The following SNX19 variants were observed in gnomAD, a reference collection of about 807,000 sequenced individuals.
SNX19 encodes sorting nexin-19.
Under a neutral mutation model 85.2 loss-of-function variants are expected in SNX19, and 60 were observed. The observed-to-expected ratio is 0.70, with a 90% CI of 0.57 to 0.87. The LOEUF is 0.87. SNX19 is among the 40% of genes least tolerant of loss of function. The pLI is 0.00. For synonymous variants in SNX19, 520 were observed against 470.0 expected (o/e 1.11, Z -1.38); for missense variants, 1,201 against 1,217.8 (o/e 0.99, Z 0.21).
In SNX19 at chr11:130,915,824, A is replaced by T; in HGVS notation, c.116T>A (p.Leu39His). Residue 39 changes from leucine (L) to histidine (H), a missense_variant, in exon 1 of 11, where the codon CTC (leucine) becomes CAC (histidine). Coordinates refer to ENST00000265909, the MANE Select transcript of SNX19 (RefSeq NM_014758.3). ...LMAVGVLLGWLLVIHLLVNVW... is the reference protein window; with the variant it reads ...LMAVGVLLGWHLVIHLLVNVW... ...GTTGACCAGAAGGTGTATGACCAGG[A>T]GCCAGCCAAGCAAGACCCCCACAGC... 6.2e-7 allele frequency: 1 copy of T among 1,614,186 alleles called. No individual in the cohort carries two copies. Among genetic ancestry groups the T allele is most frequent in the Middle Eastern group, 1.6e-4 (1 of 6,062 alleles).
chr11:130,886,432 A>G (rs1390898851), intron 8 of SNX19, among the ~76,000 whole-genome samples: 3 of 152,178 alleles, frequency 2.0e-5, no homozygotes, highest in Non-Finnish European at 4.4e-5. Context: ...ACACTCATGC[A>G]GTGTCAAGAA....
chr11:130,871,608 A>G lies in SNX19; in HGVS notation c.*6814T>C, dbSNP rs1369996717. On this transcript the variant is annotated 3_prime_UTR_variant, in exon 11 of 11. Coordinates refer to ENST00000265909, the MANE Select transcript of SNX19 (RefSeq NM_014758.3). ...AAAAGGGCTGATTACCTATGCTCAC[A>G]AGTCACCAAATCCAGTTCAACACAG... 6.6e-6 allele frequency among the ~76,000 whole-genome samples: 1 copy of G among 152,224 alleles called. No homozygotes were observed. The highest frequency in any genetic ancestry group is 1.9e-4 in the East Asian group (1 of 5,196).
At chr11:130,899,732 C>T (rs1178537365) in intron 8 of SNX19, among the ~76,000 whole-genome samples, 1 of 152,062 alleles carries the variant, frequency 6.6e-6, no homozygotes, top group Admixed American at 6.6e-5. Context: ...GAAATATGTA[C>T]AATGAACCAA....
Position 130,914,892 on chromosome 11 carries a change from C to T in SNX19, c.1048G>A (p.Gly350Arg), listed in dbSNP as rs1437289923. 2 of 1,614,200 alleles carry T rather than the reference C, an allele frequency of 1.2e-6. No homozygotes were observed. The highest frequency in any genetic ancestry group is 1.1e-5 in the South Asian group (1 of 91,078). The part of the protein sequence containing the change: ...LGGMCEERKV[G>R]NNSSHFLQPN... ...TGTAGGAAATGAGATGAGTTGTTTC[C>T]TACTTTTCTTTCTTCACACATCCCA... is the stretch of plus-strand genomic sequence containing the variant. Residue 350 changes from glycine to arginine, a missense_variant, in exon 1 of 11, where the codon GGA (glycine) becomes AGA (arginine). This residue lies in a region of SNX19 where 791 missense variants were observed against 750.9 expected (regional missense o/e 1.05). Transcript: ENST00000265909.
rs1023491745 is a variant in SNX19 at position 130,902,291 on chromosome 11, T to A, written c.2573+964A>T. On this transcript the variant is annotated intron_variant, in intron 8 of 10. Coordinates refer to ENST00000265909, the MANE Select transcript of SNX19 (RefSeq NM_014758.3). ...TTAGCAAATATAGATGTGCATCATC[T>A]TCTTTCACTTGGTCTCTTTATGATT... Among the ~76,000 whole-genome samples the A allele has an allele frequency of 9.9e-5, 15 of 152,262 alleles. 1 individual carries two copies. Among genetic ancestry groups the A allele is most frequent in the African/African-American group, 2.7e-4 (11 of 41,470 alleles).
intron 5 of SNX19, 66 bp from the exon 6 acceptor site, chr11:130,906,787 G>C: frequency 9.0e-7 from 1 of 1,113,190 alleles, no homozygotes; most frequent in Middle Eastern, 1.9e-4. Flanking sequence ...ACTAAGGGCT[G>C]GCAAGTACTG....
Position 130,886,057 on chromosome 11 carries a change from T to C in SNX19, c.2574-5251A>G, listed in dbSNP as rs200693609. Among the ~76,000 whole-genome samples the C allele has an allele frequency of 5.9e-5, 9 of 152,276 alleles. No homozygotes were observed. In the East Asian group the frequency reaches 1.5e-3, roughly 26 times the overall value. On this transcript the variant is annotated intron_variant, in intron 8 of 10. Coordinates refer to ENST00000265909, the MANE Select transcript of SNX19 (RefSeq NM_014758.3). The stretch of plus-strand genomic sequence containing the variant: ...ACATGTCTCCAAACATTGCGGCATG[T>C]CCCCTGAGGACAAAATTGCTCCAGT...
chr11:130,887,828 G>C (rs1944196946), intron 8 of SNX19, among the ~76,000 whole-genome samples: 1 of 152,130 alleles, frequency 6.6e-6, no homozygotes, highest in Non-Finnish European at 1.5e-5. Context: ...TCTGATGAAA[G>C]AAGGAGAGAA....
At chr11:130,905,288 T>C (rs1945578008) in intron 7 of SNX19, among the ~76,000 whole-genome samples, 1 of 152,220 alleles carries the variant, frequency 6.6e-6, no homozygotes, top group Admixed American at 6.5e-5. Context: ...CTACTTTATG[T>C]TGGGTAACTA....
Position 130,875,062 on chromosome 11 carries a change from C to G in SNX19, c.*3360G>C, listed in dbSNP as rs1943170335. ...AGGGCCTCGAAGAAACAGTCACACT[C>G]CCATGTTCACTGCAGCATTGTTTTC... is the stretch of plus-strand genomic sequence containing the variant. On this transcript the variant is annotated 3_prime_UTR_variant, in exon 11 of 11. Coordinates refer to ENST00000265909, the MANE Select transcript of SNX19 (RefSeq NM_014758.3). 6.6e-6 allele frequency among the ~76,000 whole-genome samples: 1 copy of G among 152,232 alleles called. No homozygotes were observed. The highest frequency in any genetic ancestry group is 1.5e-5 in the Non-Finnish European group (1 of 68,050).
At chr11:130,893,837 G>C in intron 8 of SNX19, 1 of 702,202 alleles carries the variant, frequency 1.4e-6, no homozygotes, top group Middle Eastern at 2.3e-4. Flanking sequence ...TTCGGGGCCA[G>C]CATTATATTA....
At position 130,878,362 on chromosome 11, in the gene SNX19, G is replaced by C; in HGVS notation, c.*60C>G. 1 of 1,579,048 alleles carries C rather than the reference G, an allele frequency of 6.3e-7. No individual in the cohort carries two copies. Among genetic ancestry groups the C allele is most frequent in the East Asian group, 2.3e-5 (1 of 44,384 alleles). On this transcript the variant is annotated 3_prime_UTR_variant, in exon 11 of 11. Transcript: ENST00000265909. ...TGAAGAGGGCACGGGCTTCCTGACT[G>C]GTCTCTGGTGGCCGAGTAACTCTAC...
At position 130,869,645 on chromosome 11, in the gene SNX19, C is replaced by G. The variant is rs1238030021; in HGVS notation, c.*8777G>C. ...GAAGAGATGTGAATGGCTAAACTTT[C>G]TAGTTGTGTGAATAGTTTGCAACAT... On this transcript the variant is annotated 3_prime_UTR_variant, in exon 11 of 11. Transcript: ENST00000265909. The G allele has an allele frequency of 6.6e-6, 1 of 151,932 alleles. No individual in the cohort carries two copies. The highest frequency in any genetic ancestry group is 2.4e-5 in the African/African-American group (1 of 41,232). 9.4% of individuals were successfully genotyped at this position (151,932 alleles called of 1,614,324 possible). A position where few individuals can be genotyped will look rare whatever the true frequency, so the allele number is the denominator to read the frequency against.
At chr11:130,903,683 G>A (rs671052) in intron 7 of SNX19, among the ~76,000 whole-genome samples, 1 of 145,166 alleles carries the variant, frequency 6.9e-6, no homozygotes, top group Non-Finnish European at 1.5e-5. Context: ...ATATATATAT[G>A]TGTGTATATA....
In SNX19 at chr11:130,869,001, A is replaced by G. The variant is rs1273170041; in HGVS notation, c.*9421T>C. The G allele has an allele frequency of 1.3e-5, 2 of 152,206 alleles. No homozygotes were observed. Among genetic ancestry groups the G allele is most frequent in the Admixed American group, 1.3e-4 (2 of 15,290 alleles). The allele number at this position is 152,206 out of a possible 1,614,324, so 9.4% of individuals were successfully genotyped here. A position where few individuals can be genotyped will look rare whatever the true frequency, so the allele number is the denominator to read the frequency against. On this transcript the variant is annotated 3_prime_UTR_variant, in exon 11 of 11. Transcript: ENST00000265909. ...TTACATGCCTGTCACTGGGCTATGC[A>G]CCCGAGGATGGAGGCACTAGCTGAG...
In SNX19 at chr11:130,906,680, A is replaced by G; in HGVS notation, c.2207T>C (p.Leu736Pro). Residue 736 changes from leucine to proline, a missense_variant, in exon 6 of 11, where the codon CTA (leucine) becomes CCA (proline). Leu to Pro is a moderately conservative substitution (Grantham distance 98). This residue lies in a region of SNX19 where 125 missense variants were observed against 171.6 expected (regional missense o/e 0.73). Coordinates refer to ENST00000265909, the MANE Select transcript of SNX19 (RefSeq NM_014758.3). ...RFSSSKISPA[L>P]SVTEAQDKIL... Reference sequence around the variant, plus strand: ...CTTGTCTTGTGCTTCAGTCACACTTAGTGCTGGAGAAATTTTACTGGATGA... The same window carrying G: ...CTTGTCTTGTGCTTCAGTCACACTTGGTGCTGGAGAAATTTTACTGGATGA... 1 of 1,613,252 alleles carries G rather than the reference A, an allele frequency of 6.2e-7. No individual in the cohort carries two copies. The highest frequency in any genetic ancestry group is 8.5e-7 in the Non-Finnish European group (1 of 1,179,382).
At chr11:130,911,477 C>T in intron 2 of SNX19, 156 bp downstream of exon 2, 2 of 1,472,732 alleles carry the variant, frequency 1.4e-6, no homozygotes, top group Non-Finnish European at 1.8e-6. Flanking sequence ...TTGCTGCTGT[C>T]CAGCACTAAA....
At chr11:130,884,763 C>G (rs556671585) in intron 8 of SNX19, among the ~76,000 whole-genome samples, 1 of 149,232 alleles carries the variant, frequency 6.7e-6, no homozygotes, top group African/African-American at 2.5e-5. Context: ...TCCAGCTACT[C>G]GGGGAGGCTG....
intron 2 of SNX19, 27 bp from the exon 3 acceptor site, chr11:130,910,397 A>G: frequency 1.4e-6 from 2 of 1,454,350 alleles, no homozygotes; most frequent in Non-Finnish European, 9.5e-7. Context: ...AAATCAAAAT[A>G]TTCACTCATT....
Sources: allele counts gnomAD v4.1 joint callset (sites outside exome capture counted in the v4.1 genomes callset), GRCh38; gene constraint gnomAD v4.1.1; regional missense constraint gnomAD v4.1.1; transcripts MANE v1.5; gene names NCBI Gene and HGNC (gene_info 2026-07-23, HGNC 2026-07-21).